The following PRTG variants were observed in gnomAD, a reference collection of about 807,000 sequenced individuals.
PRTG encodes the protein protogenin.
PRTG carries 67 observed loss-of-function variants against 122.5 expected under a neutral mutation model. The observed-to-expected ratio is 0.55, with a 90% CI of 0.45 to 0.67. The LOEUF is 0.67. Ranked by LOEUF, PRTG falls within the 30% of genes least tolerant of loss-of-function variation. PRTG has a pLI of 0.00. For synonymous variants in PRTG, 554 were observed against 501.1 expected (o/e 1.11, Z -1.41); for missense variants, 1,435 against 1,415.4 (o/e 1.01, Z -0.22).
At position 55,742,887 on chromosome 15, in the gene PRTG, C is replaced by T. The variant is rs1387435764; in HGVS notation, c.45G>A (p.Gly15=). Residue 15 remains glycine, a synonymous_variant, in exon 1 of 20, where the codon GGG becomes GGA. Coordinates refer to ENST00000389286, the MANE Select transcript of PRTG (RefSeq NM_173814.6). The part of the protein sequence containing the change: ...LRPLARLRPP[G]MLLRALLLLL... ...GGAGCAGGAGCGCGCGGAGCAGCAT[C>T]CCCGGCGGTCGCAGCCGGGCGAGGG... 4 of 1,531,572 alleles carry T rather than the reference C, an allele frequency of 2.6e-6. No individual in the cohort carries two copies. In the Admixed American group the frequency reaches 8.0e-5, roughly 31 times the overall value. The allele number at this position is 1,531,572 out of a possible 1,614,324, so 94.9% of individuals were successfully genotyped here. A position where few individuals can be genotyped will look rare whatever the true frequency, so the allele number is the denominator to read the frequency against.
At chr15:55,621,934 T>C (rs1317806094) in intron 18 of PRTG, among the ~76,000 whole-genome samples, 1 of 152,142 alleles carries the variant, frequency 6.6e-6, no homozygotes, top group Non-Finnish European at 1.5e-5. Context: ...TGTTTGAAAA[T>C]TTTAAAAAGC....
intron 2 of PRTG, among the ~76,000 whole-genome samples, chr15:55,732,338 C>G (rs1329981046): frequency 2.0e-5 from 3 of 151,828 alleles, no homozygotes; most frequent in Non-Finnish European, 4.4e-5. Flanking sequence ...GCGTATGCCA[C>G]CACACCCAGC....
chr15:55,691,421 A>G (rs1595655160), intron 2 of PRTG, among the ~76,000 whole-genome samples: 4 of 152,020 alleles, frequency 2.6e-5, no homozygotes, highest in Non-Finnish European at 5.9e-5. Flanking sequence ...GGTGGCTCAC[A>G]CCTGTAATCC....
intron 1 of PRTG, chr15:55,742,548 T>C (rs993606279): frequency 5.1e-6 from 2 of 393,694 alleles, no homozygotes; most frequent in South Asian, 9.7e-5. Flanking sequence ...GAGACCAGAG[T>C]GGACAGCGGC....
At chr15:55,689,192 C>T (rs955552933) in intron 2 of PRTG, among the ~76,000 whole-genome samples, 1 of 152,148 alleles carries the variant, frequency 6.6e-6, no homozygotes, top group Non-Finnish European at 1.5e-5. Flanking sequence ...TTCATCTATC[C>T]ATTCAAAGGC....
At chr15:55,632,510 G>A (rs983369930) in intron 15 of PRTG, among the ~76,000 whole-genome samples, 5 of 152,048 alleles carry the variant, frequency 3.3e-5, no homozygotes, top group African/African-American at 1.2e-4. Flanking sequence ...TAAAATCTAT[G>A]GCTCATGAAA....
At position 55,677,777 on chromosome 15, in the gene PRTG, G is replaced by A. The variant is rs1316810363; in HGVS notation, c.1381+20C>T. 4.4e-6 allele frequency: 7 copies of A among 1,606,838 alleles called. No individual in the cohort carries two copies. The Admixed American group carries it at 8.4e-5, about 19-fold the overall frequency. On this transcript the variant is annotated intron_variant, in intron 8 of 19. Transcript: ENST00000389286. The stretch of plus-strand genomic sequence containing the variant: ...GATAGCAAGGAGTACTTAAAAATAA[G>A]CACTCCTAAAATCGCTTACCTTCTG...
In PRTG at chr15:55,672,471, T is replaced by A; in HGVS notation, c.2015A>T (p.Asp672Val). The A allele has an allele frequency of 1.2e-6, 2 of 1,614,048 alleles. No homozygotes were observed. The highest frequency in any genetic ancestry group is 1.7e-6 in the Non-Finnish European group (2 of 1,179,948). ...TAAGCCACTGAGAGTATAGAGTAGG[T>A]CCTTGGTATCCAAGAAAATGGGCCC... ...ENGPIFLDTK[D>V]LLYTLSGLDP... Residue 672 changes from aspartate (D) to valine (V), a missense_variant, in exon 11 of 20, where the codon GAC becomes GTC. Coordinates refer to ENST00000389286, the MANE Select transcript of PRTG (RefSeq NM_173814.6).
chr15:55,708,148 TAAAAAAAAAAAAAAAAAA>T (rs35216342), intron 2 of PRTG, among the ~76,000 whole-genome samples: 7 of 70,022 alleles, frequency 1.0e-4, no homozygotes, highest in South Asian at 6.8e-4. Context: ...AGTAAGCTGG[TAAAAAAAAAAAAAAAAAA>T]AAAAAAAAAA....
intron 11 of PRTG, among the ~76,000 whole-genome samples, chr15:55,670,064 A>G (rs1196749702): frequency 6.6e-6 from 1 of 152,230 alleles, no homozygotes; most frequent in Non-Finnish European, 1.5e-5. Context: ...AGTTGACTAT[A>G]GTTCAGAGAT....
rs181121778 is a variant in PRTG at position 55,724,383 on chromosome 15, T to C, written c.397+15999A>G. Reference sequence around the variant, plus strand: ...TGTTTGGGTGAATATAATGTATATATTACGTTTTTTGATTAACAGCCAATT... The same window carrying C: ...TGTTTGGGTGAATATAATGTATATACTACGTTTTTTGATTAACAGCCAATT... On this transcript the variant is annotated intron_variant, in intron 2 of 19. Transcript: ENST00000389286. Among the ~76,000 whole-genome samples, 3 of 152,296 alleles carry C rather than the reference T, an allele frequency of 2.0e-5. No homozygotes were observed. The East Asian group carries it at 5.8e-4, about 29-fold the overall frequency.
chr15:55,704,352 C>T (rs756810257), intron 2 of PRTG, among the ~76,000 whole-genome samples: 12 of 152,272 alleles, frequency 7.9e-5, no homozygotes, highest in Non-Finnish European at 1.0e-4. Context: ...TTAGCAACTT[C>T]ATCTGTGCAG....
At chr15:55,734,080 T>C (rs1041225569) in intron 2 of PRTG, among the ~76,000 whole-genome samples, 2 of 152,148 alleles carry the variant, frequency 1.3e-5, no homozygotes, top group Non-Finnish European at 2.9e-5. Context: ...CTATCGGTAT[T>C]GGGAGGGTAG....
At chr15:55,690,045 T>C (rs1303089905) in intron 2 of PRTG, among the ~76,000 whole-genome samples, 3 of 152,204 alleles carry the variant, frequency 2.0e-5, no homozygotes, top group African/African-American at 7.2e-5. Context: ...ACAATATCTC[T>C]GCTATTAAAG....
At position 55,742,610 on chromosome 15, in the gene PRTG, A is replaced by T. The variant is rs529298043; in HGVS notation, c.94+228T>A. ...GCGGCGCGGAGGGGCGTGCGCCCGG[A>T]GAAGCTCCCGCAGCCCTGCCCAAGC... is the stretch of plus-strand genomic sequence containing the variant. On this transcript the variant is annotated intron_variant, in intron 1 of 19. Transcript: ENST00000389286. The T allele has an allele frequency of 6.3e-5, 32 of 511,136 alleles. No individual in the cohort carries two copies. In the East Asian group the frequency reaches 1.2e-3, roughly 18 times the overall value. The allele number at this position is 511,136 out of a possible 1,614,324, so 31.7% of individuals were successfully genotyped here. A position where few individuals can be genotyped will look rare whatever the true frequency, so the allele number is the denominator to read the frequency against.
Position 55,624,546 on chromosome 15 carries a change from T to C in PRTG, c.2928-39A>G, listed in dbSNP as rs745565788. On this transcript the variant is annotated intron_variant, in intron 17 of 19. Transcript: ENST00000389286. ...AAGAAGAGGAAGTCTTCTAATTTCA[T>C]AGAAGATGCAGGCAAATGAACCACC... 9 of 1,575,724 alleles carry C rather than the reference T, an allele frequency of 5.7e-6. No homozygotes were observed. In the East Asian group the frequency reaches 9.1e-5, roughly 16 times the overall value.
intron 11 of PRTG, among the ~76,000 whole-genome samples, chr15:55,658,365 G>C (rs1295000381): frequency 6.6e-6 from 1 of 151,664 alleles, no homozygotes; most frequent in Non-Finnish European, 1.5e-5. Flanking sequence ...GCCTAAGTTG[G>C]AGTGTAGTGG....
intron 2 of PRTG, among the ~76,000 whole-genome samples, chr15:55,715,433 C>A (rs2030562888): frequency 6.6e-6 from 1 of 152,156 alleles, no homozygotes; most frequent in Non-Finnish European, 1.5e-5. Flanking sequence ...AATGAAGAAT[C>A]AGGAATCCTT....
At chr15:55,645,511 G>C (rs13380218) in intron 11 of PRTG, among the ~76,000 whole-genome samples, 3,532 of 148,520 alleles carry the variant, frequency 0.024, 148 homozygotes, top group African/African-American at 0.08. Context: ...CAGGCAGTAA[G>C]AGTGATCAGC....
Sources: gnomAD v4.1 joint callset for allele counts (sites outside exome capture counted in the v4.1 genomes callset) on GRCh38, gnomAD v4.1.1 for gene constraint, MANE v1.5 for transcripts, NCBI Gene and HGNC (gene_info 2026-07-23, HGNC 2026-07-21) for gene names.